CSMD3: variants seen among roughly 807,000 people sequenced by gnomAD.
The protein encoded by CSMD3 is CUB and Sushi multiple domains 3.
Under a neutral mutation model 435.2 loss-of-function variants are expected in CSMD3, and 177 were observed. The ratio of observed to expected loss-of-function variants is 0.41; its 90% CI spans 0.36 to 0.46. The LOEUF (loss-of-function observed/expected upper bound fraction) is 0.46, where lower values mean the gene tolerates loss of function less well. CSMD3 is among the 20% of genes least tolerant of loss of function. The probability of loss-of-function intolerance (pLI) is 0.34; values close to 1 mark genes in which losing one functional copy is unlikely to be tolerated. For missense variants in CSMD3, 4,265 were observed against 4,504.6 expected, an observed-to-expected ratio of 0.95 and a Z score of 1.52; for synonymous variants, 1,656 against 1,520.5, an observed-to-expected ratio of 1.09 and a Z score of -2.07.
intron 3 of CSMD3, among the ~76,000 whole-genome samples, chr8:113,277,746 G>C (rs1334914106): frequency 6.6e-6 from 1 of 151,836 alleles, no homozygotes; most frequent in Non-Finnish European, 1.5e-5. Flanking sequence ...GGGAAGAAAA[G>C]GACTCTTTCC....
intron 58 of CSMD3, among the ~76,000 whole-genome samples, chr8:112,285,578 C>A (rs926329291): frequency 6.6e-6 from 1 of 152,004 alleles, no homozygotes; most frequent in Admixed American, 6.6e-5. Context: ...TTTGGTACAA[C>A]GTCAAGTAAG....
intron 1 of CSMD3, among the ~76,000 whole-genome samples, chr8:113,411,577 C>T (rs1391911190): frequency 6.6e-6 from 1 of 152,158 alleles, no homozygotes; most frequent in African/African-American, 2.4e-5. Flanking sequence ...ATAAGATTGA[C>T]TCAGTTGAGC....
chr8:112,224,540 A>C lies in CSMD3; in HGVS notation c.*231T>G, dbSNP rs1450721017. 3.5e-6 allele frequency: 2 copies of C among 565,604 alleles called. No homozygotes were observed. Among genetic ancestry groups the C allele is most frequent in the African/African-American group, 3.8e-5 (2 of 53,166 alleles). 35.0% of individuals were successfully genotyped at this position (565,604 alleles called of 1,614,324 possible). Reference sequence around the variant, plus strand: ...ATCTCCTTTTTAAAAAAAGCAAATAAACTGTGAGTAAGCACTCTCAGAGTG... The same window carrying C: ...ATCTCCTTTTTAAAAAAAGCAAATACACTGTGAGTAAGCACTCTCAGAGTG... On this transcript the variant is annotated 3_prime_UTR_variant, in exon 71 of 71. Transcript: ENST00000297405.
At chr8:113,404,929 T>G (rs2094526188) in intron 1 of CSMD3, among the ~76,000 whole-genome samples, 1 of 151,512 alleles carries the variant, frequency 6.6e-6, no homozygotes, top group Non-Finnish European at 1.5e-5. Context: ...GTGCAAGACA[T>G]GGAACTACTA....
intron 3 of CSMD3, among the ~76,000 whole-genome samples, chr8:113,262,699 G>GT (rs1262489710): frequency 3.3e-5 from 5 of 152,106 alleles, no homozygotes; most frequent in African/African-American, 1.2e-4. Flanking sequence ...CCTCTAAAAC[G>GT]TAAGAAAATT....
chr8:112,376,094 C>A (rs1357084920), intron 38 of CSMD3, among the ~76,000 whole-genome samples: 2 of 152,152 alleles, frequency 1.3e-5, no homozygotes, highest in African/African-American at 4.8e-5. Context: ...CAAGTGTCAC[C>A]TCCTGTTTGA....
chr8:112,530,377 A>C (rs1181366035), intron 27 of CSMD3, among the ~76,000 whole-genome samples: 1 of 152,196 alleles, frequency 6.6e-6, no homozygotes, highest in Non-Finnish European at 1.5e-5. Flanking sequence ...GTCAATAGTC[A>C]TCAAAGACAA....
intron 23 of CSMD3, among the ~76,000 whole-genome samples, chr8:112,574,669 G>A (rs1829799975): frequency 6.6e-6 from 1 of 151,898 alleles, no homozygotes. Flanking sequence ...TGTAAAAATT[G>A]GTTCTTGGGA....
At chr8:112,677,287 G>T (rs2075789374) in intron 16 of CSMD3, among the ~76,000 whole-genome samples, 1 of 151,502 alleles carries the variant, frequency 6.6e-6, no homozygotes, top group South Asian at 2.1e-4. Flanking sequence ...GGAAATAAAT[G>T]ATAATGATGA....
At chr8:112,322,292 T>C (rs17638176) in intron 45 of CSMD3, among the ~76,000 whole-genome samples, 1 of 152,064 alleles carries the variant, frequency 6.6e-6, no homozygotes, top group Non-Finnish European at 1.5e-5. Flanking sequence ...AGTCACAGGA[T>C]TTAAAAGATC....
chr8:112,607,363 G>A (rs1832881504), intron 22 of CSMD3, among the ~76,000 whole-genome samples: 1 of 151,884 alleles, frequency 6.6e-6, no homozygotes, highest in African/African-American at 2.4e-5. Flanking sequence ...TCAAAGAAAA[G>A]CTCAGAAACT....
intron 24 of CSMD3, among the ~76,000 whole-genome samples, chr8:112,560,687 T>C (rs1828541984): frequency 6.6e-6 from 1 of 151,484 alleles, no homozygotes; most frequent in Non-Finnish European, 1.5e-5. Flanking sequence ...AATGAAAAAA[T>C]AGTCAAACAG....
At chr8:112,882,835 T>C (rs1220447306) in intron 10 of CSMD3, among the ~76,000 whole-genome samples, 2 of 151,936 alleles carry the variant, frequency 1.3e-5, no homozygotes, top group South Asian at 2.1e-4. Context: ...CATAAACAGG[T>C]TAAAGACTTT....
chr8:112,405,852 T>C (rs1831808552), intron 35 of CSMD3, among the ~76,000 whole-genome samples: 1 of 152,026 alleles, frequency 6.6e-6, no homozygotes, highest in African/African-American at 2.4e-5. Context: ...GGCCCAGAAA[T>C]CTTTGCACAA....
At chr8:112,918,577 A>C (rs561850142) in intron 10 of CSMD3, among the ~76,000 whole-genome samples, 1 of 152,018 alleles carries the variant, frequency 6.6e-6, no homozygotes, top group Non-Finnish European at 1.5e-5. Context: ...TTCAACACAT[A>C]AGGCTACTTT....
chr8:112,546,797 A>G (rs927874352), intron 27 of CSMD3, among the ~76,000 whole-genome samples: 1 of 152,192 alleles, frequency 6.6e-6, no homozygotes, highest in African/African-American at 2.4e-5. Context: ...TGCCTTGCAG[A>G]CAATAACACC....
At position 112,244,529 on chromosome 8, in the gene CSMD3, C is replaced by A. The variant is rs376616443; in HGVS notation, c.10267G>T (p.Val3423Leu). 1.2e-6 allele frequency: 2 copies of A among 1,613,782 alleles called. No individual in the cohort carries two copies. The highest frequency in any genetic ancestry group is 1.3e-5 in the African/African-American group (1 of 75,008). Residue 3423 changes from valine to leucine, a missense_variant, in exon 65 of 71, where the codon GTA becomes TTA. Physicochemically the swap from Val to Leu is conservative, Grantham distance 32. This residue lies in a region of CSMD3 where 3,255 missense variants were observed against 3,380.2 expected (regional missense o/e 0.96). Coordinates refer to ENST00000297405, the MANE Select transcript of CSMD3 (RefSeq NM_198123.2). ...QPETPAHANV[V>L]GMDLPSHGYT... ...CCATGAGATGGAAGGTCCATCCCTACGACATTTGCATGAGCAGGAGTTTCT... is the reference window on the plus strand; with the variant it reads ...CCATGAGATGGAAGGTCCATCCCTAAGACATTTGCATGAGCAGGAGTTTCT...
intron 22 of CSMD3, among the ~76,000 whole-genome samples, chr8:112,594,465 T>C (rs1831499144): frequency 6.6e-6 from 1 of 152,186 alleles, no homozygotes; most frequent in Non-Finnish European, 1.5e-5. Context: ...TTGCCCAGGC[T>C]TGCTTAGGTA....
chr8:112,993,910 C>T (rs998006073), intron 6 of CSMD3, among the ~76,000 whole-genome samples: 10 of 151,804 alleles, frequency 6.6e-5, no homozygotes, highest in East Asian at 1.9e-4. Context: ...CACATAGATT[C>T]AAACAGTCAG....
Sources: gnomAD v4.1 joint callset for allele counts (sites outside exome capture counted in the v4.1 genomes callset) on GRCh38, gnomAD v4.1.1 for gene constraint, gnomAD v4.1.1 regional missense constraint, MANE v1.5 for transcripts, NCBI Gene and HGNC (gene_info 2026-07-23, HGNC 2026-07-21) for gene names.